Variants in PCDHGA5 observed in about 807,000 individuals in gnomAD.
The protein encoded by PCDHGA5 is protocadherin gamma-A5.
PCDHGA5 carries 36 observed loss-of-function variants against 56.7 expected under a neutral mutation model. That is an observed-to-expected ratio of 0.64 (90% CI 0.49 to 0.84). The LOEUF is 0.84. Among genes scored for constraint, PCDHGA5 ranks in the 40% least tolerant of loss-of-function variants. The pLI is 0.00. For synonymous variants in PCDHGA5, 563 were observed against 520.2 expected, an observed-to-expected ratio of 1.08 and a Z score of -1.12; for missense variants, 1,305 against 1,201.5, an observed-to-expected ratio of 1.09 and a Z score of -1.27.
chr5:141,380,753 C>T (rs976627974), intron 1 of PCDHGA5, among the ~76,000 whole-genome samples: 2 of 152,104 alleles, frequency 1.3e-5, no homozygotes, highest in Non-Finnish European at 2.9e-5. Context: ...GGTACCAAGA[C>T]ACTATAAATT....
intron 1 of PCDHGA5, among the ~76,000 whole-genome samples, chr5:141,459,563 C>CAAAACAGAATT (rs1554142058): frequency 5.3e-5 from 8 of 152,044 alleles, no homozygotes; most frequent in Non-Finnish European, 2.9e-5. Context: ...ATAAATACCC[C>CAAAACAGAATT]AAAACAGAAT....
intron 1 of PCDHGA5, chr5:141,379,619 T>C (rs1045405424): frequency 6.6e-6 from 1 of 152,170 alleles, no homozygotes; most frequent in African/African-American, 2.4e-5. Context: ...TTTAAACAAA[T>C]AAAATATTTC....
At position 141,512,574 on chromosome 5, in the gene PCDHGA5, C is replaced by T. The variant is rs1429371202; in HGVS notation, c.*1401C>T. 6.5e-6 allele frequency: 1 copy of T among 152,884 alleles called. No homozygotes were observed. Among genetic ancestry groups the T allele is most frequent in the Non-Finnish European group, 1.5e-5 (1 of 68,502 alleles). The allele number at this position is 152,884 out of a possible 1,614,324, so 9.5% of individuals were successfully genotyped here. On this transcript the variant is annotated 3_prime_UTR_variant, in exon 4 of 4. Coordinates refer to ENST00000518069, the MANE Select transcript of PCDHGA5 (RefSeq NM_018918.3). ...GTGCATAGACCTTCTTCTCCCACCCCCTTCTGCCCCTGGGTCCCCGGCCAT... is the reference window on the plus strand; with the variant it reads ...GTGCATAGACCTTCTTCTCCCACCCTCTTCTGCCCCTGGGTCCCCGGCCAT...
intron 1 of PCDHGA5, chr5:141,415,857 T>G (rs1271614762): frequency 1.7e-6 from 2 of 1,194,900 alleles, no homozygotes; most frequent in Non-Finnish European, 2.2e-6. Flanking sequence ...AACCTTGTAG[T>G]TTATAGTGTT....
intron 1 of PCDHGA5, chr5:141,427,474 A>G (rs373512099): frequency 3.7e-5 from 19 of 520,294 alleles, no homozygotes; most frequent in African/African-American, 1.5e-4. Context: ...TCTTCCGCCA[A>G]TAATGACTAT....
In PCDHGA5 at chr5:141,365,453, G is replaced by A. The variant is rs1370392916; in HGVS notation, c.1123G>A (p.Asp375Asn). Reference sequence around the variant, plus strand: ...CGCGCTGTTTAGCGTACATGATGGTGATTCTGGAGAAAATGGTGAGATTGC... The same window carrying A: ...CGCGCTGTTTAGCGTACATGATGGTAATTCTGGAGAAAATGGTGAGATTGC... ...VIALFSVHDG[D>N]SGENGEIACS... Residue 375 changes from aspartate to asparagine, a missense_variant, in exon 1 of 4, where the codon GAT (aspartate) becomes AAT (asparagine). By Grantham distance (23) the Asp-to-Asn change is conservative (BLOSUM62 1). Coordinates refer to ENST00000518069, the MANE Select transcript of PCDHGA5 (RefSeq NM_018918.3). The A allele has an allele frequency of 6.2e-7, 1 of 1,613,902 alleles. No homozygotes were observed. Among genetic ancestry groups the A allele is most frequent in the Non-Finnish European group, 8.5e-7 (1 of 1,179,914 alleles).
rs376762797 is a variant in PCDHGA5, at chr5:141,366,557, G to A, written c.2227G>A (p.Val743Met). Residue 743 changes from valine (V) to methionine (M), a missense_variant, in exon 1 of 4, where the codon GTG (valine) becomes ATG (methionine). By Grantham distance (21) the Val-to-Met change is conservative. Transcript: ENST00000518069. ...AGVPASHFVG[V>M]DGVRAFLQTY... is the part of the protein sequence containing the mutation. ...TGTGCCCGCCTCGCACTTTGTGGGC[G>A]TGGATGGGGTTCGGGCTTTCCTGCA... 6.2e-7 allele frequency: 1 copy of A among 1,614,150 alleles called. No homozygotes were observed. Among genetic ancestry groups the A allele is most frequent in the African/African-American group, 1.3e-5 (1 of 74,954 alleles).
chr5:141,410,135 G>T, intron 1 of PCDHGA5: 1 of 1,612,626 alleles, frequency 6.2e-7, no homozygotes, highest in Non-Finnish European at 8.5e-7. Context: ...CCTGCTGGTC[G>T]CTGTGCGTGA....
In PCDHGA5 at chr5:141,393,675, C is replaced by T. The variant is rs755191809; in HGVS notation, c.2421+26924C>T. The stretch of plus-strand genomic sequence containing the variant: ...CAAATTCCGGAAAATTAATGAAAAA[C>T]AAACTCCGTTATTCCAGCTTAATGA... On this transcript the variant is annotated intron_variant, in intron 1 of 3. Transcript: ENST00000518069. 4 of 1,613,756 alleles carry T rather than the reference C, an allele frequency of 2.5e-6. No individual in the cohort carries two copies. The South Asian group carries it at 3.3e-5, about 13-fold the overall frequency.
In PCDHGA5 at chr5:141,489,255, A is replaced by G. The variant is rs909780010; in HGVS notation, c.2422-5552A>G. 2 of 1,548,804 alleles carry G rather than the reference A, an allele frequency of 1.3e-6. No individual in the cohort carries two copies. Among genetic ancestry groups the G allele is most frequent in the Non-Finnish European group, 1.7e-6 (2 of 1,147,848 alleles). On this transcript the variant is annotated intron_variant, in intron 1 of 3. Coordinates refer to ENST00000518069, the MANE Select transcript of PCDHGA5 (RefSeq NM_018918.3). The surrounding 1 kb of genome is among the most constrained non-coding windows in gnomAD (Gnocchi z 4.5). ...ACTTCTGGGTCATGGGGCCCAAGAC[A>G]CTCCCACAGCTCGCTGGGAAATGGC...
At chr5:141,367,423 G>T (rs1765125811) in intron 1 of PCDHGA5, 2 of 152,202 alleles carry the variant, frequency 1.3e-5, no homozygotes, top group Non-Finnish European at 2.9e-5. Flanking sequence ...TGTAGTCCCA[G>T]CTACTCGGAA....
intron 1 of PCDHGA5, chr5:141,422,813 TAGAACTG>T: frequency 6.2e-7 from 1 of 1,614,192 alleles, no homozygotes; most frequent in Non-Finnish European, 8.5e-7. Flanking sequence ...TTTCGAGACT[TAGAACTG>T]AGAGTGATAG....
At chr5:141,374,252 C>T in intron 1 of PCDHGA5, 6 of 1,613,982 alleles carry the variant, frequency 3.7e-6, no homozygotes, top group Non-Finnish European at 5.1e-6. Context: ...ACTGGAGCCC[C>T]AGGAGTTGGC....
chr5:141,395,097 G>A lies in PCDHGA5; in HGVS notation c.2421+28346G>A, dbSNP rs376460647. The A allele has an allele frequency of 1.3e-5, 21 of 1,614,040 alleles. No homozygotes were observed. Among genetic ancestry groups the A allele is most frequent in the Non-Finnish European group, 1.7e-5 (20 of 1,180,038 alleles). On this transcript the variant is annotated intron_variant, in intron 1 of 3. Coordinates refer to ENST00000518069, the MANE Select transcript of PCDHGA5 (RefSeq NM_018918.3). ...TTCCCAGGAAGTCTCCCTCACCGCC[G>A]ACTCGCGGAAGAGTCACCTGATCTT...
intron 1 of PCDHGA5, chr5:141,388,656 G>C (rs747453786): frequency 2.5e-5 from 40 of 1,613,886 alleles, no homozygotes; most frequent in Non-Finnish European, 3.4e-5. Context: ...CGTGTACCCG[G>C]GGACCACGGT....
chr5:141,464,208 T>G (rs915798868), intron 1 of PCDHGA5, among the ~76,000 whole-genome samples: 1 of 148,120 alleles, frequency 6.8e-6, no homozygotes, highest in Admixed American at 6.9e-5. Context: ...GAGATTGCAG[T>G]GAGCTGAGAT....
At chr5:141,496,760 G>A (rs144857340) in intron 2 of PCDHGA5, among the ~76,000 whole-genome samples, 4 of 152,108 alleles carry the variant, frequency 2.6e-5, no homozygotes, top group East Asian at 1.9e-4. Context: ...AATATTTATC[G>A]AGCATCTACT....
chr5:141,433,001 G>A (rs1361701281), intron 1 of PCDHGA5: 39 of 1,614,156 alleles, frequency 2.4e-5, no homozygotes, highest in Non-Finnish European at 3.1e-5. Context: ...CGGGGTGCAG[G>A]CTTTCCTGCA....
Position 141,399,568 on chromosome 5 carries a change from G to A in PCDHGA5, c.2421+32817G>A, listed in dbSNP as rs776963716. ...CTCGGACCTGGACTTGGGGTTGAAC[G>A]GCCAAGTCTCCTACTCTATCATGGC... is the stretch of plus-strand genomic sequence containing the variant. On this transcript the variant is annotated intron_variant, in intron 1 of 3. Transcript: ENST00000518069. The A allele has an allele frequency of 3.1e-6, 5 of 1,613,926 alleles. No individual in the cohort carries two copies. The East Asian group carries it at 8.9e-5, about 29-fold the overall frequency.
Sources: gnomAD v4.1 joint callset for allele counts (sites outside exome capture counted in the v4.1 genomes callset) on GRCh38, gnomAD v4.1.1 for gene constraint, Gnocchi (gnomAD v3.1) non-coding constraint, MANE v1.5 for transcripts, NCBI Gene and HGNC (gene_info 2026-07-23, HGNC 2026-07-21) for gene names.